DPP10: variants seen among roughly 807,000 people sequenced by gnomAD.
The protein encoded by DPP10 is inactive dipeptidyl peptidase 10.
A neutral mutation model predicts 120.9 loss-of-function variants in DPP10; 33 were observed. That is an observed-to-expected ratio of 0.27 (90% confidence interval 0.21 to 0.37). The LOEUF (loss-of-function observed/expected upper bound fraction) is 0.37, where lower values mean the gene tolerates loss of function less well. Ranked by LOEUF, DPP10 falls within the 10% of genes least tolerant of loss-of-function variation. The pLI is 1.00. For synonymous variants in DPP10, 337 were observed against 326.1 expected (o/e 1.03, Z -0.36); for missense variants, 816 against 942.8 (o/e 0.87, Z 1.76).
intron 1 of DPP10, among the ~76,000 whole-genome samples, chr2:114,452,908 T>C (rs537309539): frequency 2.0e-5 from 3 of 152,172 alleles, no homozygotes; most frequent in African/African-American, 4.8e-5. Context: ...CAACTGACAA[T>C]GTCCAGTAGA....
chr2:115,070,003 C>T (rs1378486561), intron 1 of DPP10, among the ~76,000 whole-genome samples: 1 of 151,912 alleles, frequency 6.6e-6, no homozygotes, highest in Non-Finnish European at 1.5e-5. Context: ...ATAGTGTCTG[C>T]ATTTAAATAA....
At chr2:114,950,506 C>T (rs779765196) in intron 1 of DPP10, among the ~76,000 whole-genome samples, 6 of 151,236 alleles carry the variant, frequency 4.0e-5, no homozygotes, top group Middle Eastern at 3.4e-3. Context: ...TGGGTTTTCA[C>T]GGTGTTAGCA....
chr2:115,044,488 A>G (rs1704911269), intron 1 of DPP10, among the ~76,000 whole-genome samples: 1 of 152,064 alleles, frequency 6.6e-6, no homozygotes, highest in African/African-American at 2.4e-5. Flanking sequence ...AACATTAGGT[A>G]TATCACCTAA....
intron 1 of DPP10, among the ~76,000 whole-genome samples, chr2:115,217,241 A>G (rs946694580): frequency 5.9e-5 from 9 of 152,200 alleles, no homozygotes; most frequent in African/African-American, 1.9e-4. Context: ...TAATGGCTTT[A>G]AATCTTAATT....
chr2:115,259,813 T>G (rs1161361093), intron 1 of DPP10, among the ~76,000 whole-genome samples: 1 of 152,106 alleles, frequency 6.6e-6, no homozygotes, highest in Non-Finnish European at 1.5e-5. Flanking sequence ...ATAAACATAT[T>G]CACACAAACT....
intron 1 of DPP10, among the ~76,000 whole-genome samples, chr2:114,597,230 A>T (rs150559717): frequency 6.6e-6 from 1 of 152,042 alleles, no homozygotes; most frequent in Non-Finnish European, 1.5e-5. Flanking sequence ...AAAACCAAGA[A>T]GAGTAATTTG....
chr2:115,475,460 G>A (rs1449390769), intron 3 of DPP10, among the ~76,000 whole-genome samples: 1 of 152,232 alleles, frequency 6.6e-6, no homozygotes, highest in African/African-American at 2.4e-5. Context: ...CCTGGCAGAA[G>A]CCTGCTGCAG....
At chr2:115,720,604 G>A (rs902723000) in intron 7 of DPP10, among the ~76,000 whole-genome samples, 3 of 151,994 alleles carry the variant, frequency 2.0e-5, no homozygotes, top group Non-Finnish European at 4.4e-5. Context: ...TGGTCTATAT[G>A]ATAATACTTT....
At chr2:114,928,189 T>A (rs944852638) in intron 1 of DPP10, among the ~76,000 whole-genome samples, 17 of 152,340 alleles carry the variant, frequency 1.1e-4, no homozygotes, top group Middle Eastern at 3.4e-3. Flanking sequence ...CTCCAAAGTC[T>A]TAACTTGTTC....
At chr2:115,070,030 A>G (rs1298065516) in intron 1 of DPP10, among the ~76,000 whole-genome samples, 2 of 152,086 alleles carry the variant, frequency 1.3e-5, no homozygotes, top group Non-Finnish European at 2.9e-5. Flanking sequence ...TTTAAACTTA[A>G]TAACCTGGAA....
At chr2:114,454,090 G>A (rs1467329181) in intron 1 of DPP10, among the ~76,000 whole-genome samples, 1 of 152,098 alleles carries the variant, frequency 6.6e-6, no homozygotes, top group African/African-American at 2.4e-5. Flanking sequence ...AGCATAGAAG[G>A]GGCTCCTCAC....
intron 1 of DPP10, among the ~76,000 whole-genome samples, chr2:114,647,788 C>G (rs1696255362): frequency 6.6e-6 from 1 of 150,534 alleles, no homozygotes; most frequent in African/African-American, 2.5e-5. Context: ...AAACCCAATT[C>G]ATTAGTCATC....
intron 1 of DPP10, among the ~76,000 whole-genome samples, chr2:114,725,285 A>G (rs186617675): frequency 2.2e-3 from 331 of 152,292 alleles, no homozygotes; most frequent in African/African-American, 7.2e-3. Context: ...CGCACTACGC[A>G]TATTCACATT....
chr2:114,676,160 T>G (rs1217664420), intron 1 of DPP10, among the ~76,000 whole-genome samples: 1 of 152,200 alleles, frequency 6.6e-6, no homozygotes, highest in Admixed American at 6.5e-5. Context: ...TCTGCACTTA[T>G]AATTAATCCC....
intron 19 of DPP10, among the ~76,000 whole-genome samples, chr2:115,811,932 C>T (rs988507752): frequency 6.6e-6 from 1 of 152,084 alleles, no homozygotes; most frequent in Non-Finnish European, 1.5e-5. Flanking sequence ...GAAATATGCT[C>T]AACATAAGCA....
intron 1 of DPP10, among the ~76,000 whole-genome samples, chr2:114,990,042 A>G (rs767648175): frequency 5.9e-5 from 9 of 152,174 alleles, no homozygotes; most frequent in Non-Finnish European, 1.2e-4. Flanking sequence ...GTTTCCTTGT[A>G]AACTGTACTT....
chr2:115,748,352 T>A lies in DPP10; in HGVS notation c.950+2169T>A, dbSNP rs1179319355. Among the ~76,000 whole-genome samples the A allele has an allele frequency of 2.6e-5, 4 of 151,994 alleles. No homozygotes were observed. In the East Asian group the frequency reaches 7.7e-4, roughly 29 times the overall value. ...TCTCAGTACAGTTATAAACTATCAT[T>A]TTTTTCTTTTTTAGTACTTTTTTCC... is the stretch of plus-strand genomic sequence containing the variant. On this transcript the variant is annotated intron_variant, in intron 10 of 25. Transcript: ENST00000410059.
intron 1 of DPP10, among the ~76,000 whole-genome samples, chr2:115,088,390 G>T (rs1394448761): frequency 6.6e-6 from 1 of 152,244 alleles, no homozygotes; most frequent in African/African-American, 2.4e-5. Context: ...CAAAAATGGT[G>T]CTACCTAGCT....
At chr2:114,526,555 G>A (rs1685515774) in intron 1 of DPP10, among the ~76,000 whole-genome samples, 2 of 152,168 alleles carry the variant, frequency 1.3e-5, no homozygotes, top group Admixed American at 6.5e-5. Flanking sequence ...AAATACTATA[G>A]ACTGGATGGT....
Sources: gnomAD v4.1 joint callset for allele counts (sites outside exome capture counted in the v4.1 genomes callset) on GRCh38, gnomAD v4.1.1 for gene constraint, MANE v1.5 for transcripts, NCBI Gene and HGNC (gene_info 2026-07-23, HGNC 2026-07-21) for gene names.